RBFOX1: variants seen among roughly 807,000 people sequenced by gnomAD.
RBFOX1 encodes the protein RNA binding fox-1 homolog 1, also known as RNA binding protein fox-1 homolog 1.
A neutral mutation model predicts 57.7 loss-of-function variants in RBFOX1; 8 were observed. That is an observed-to-expected ratio of 0.14 (90% CI 0.08 to 0.25). The LOEUF (loss-of-function observed/expected upper bound fraction) is 0.25, where lower values mean the gene tolerates loss of function less well. Among genes scored for constraint, RBFOX1 ranks in the 10% least tolerant of loss-of-function variants. RBFOX1 has a pLI of 1.00. For synonymous variants in RBFOX1, 326 were observed against 222.4 expected (o/e 1.47, Z -4.15); for missense variants, 611 against 548.5 (o/e 1.11, Z -1.14).
chr16:7,449,462 T>A (rs2098834060), intron 4 of RBFOX1, among the ~76,000 whole-genome samples: 1 of 152,126 alleles, frequency 6.6e-6, no homozygotes, highest in African/African-American at 2.4e-5. Flanking sequence ...TTAGTTATCA[T>A]CCAGGTTTCA....
intron 2 of RBFOX1, among the ~76,000 whole-genome samples, chr16:6,480,539 C>A (rs1215094479): frequency 1.3e-5 from 2 of 152,178 alleles, no homozygotes; most frequent in Non-Finnish European, 2.9e-5. Context: ...AGTATCAAAA[C>A]CATTTTTAAC....
chr16:6,826,764 T>A (rs1567433989), intron 3 of RBFOX1, among the ~76,000 whole-genome samples: 1 of 152,228 alleles, frequency 6.6e-6, no homozygotes, highest in Non-Finnish European at 1.5e-5. Flanking sequence ...TGACTCTGAA[T>A]TTATTATACT....
chr16:6,913,418 T>C (rs2153436990), intron 3 of RBFOX1, among the ~76,000 whole-genome samples: 1 of 152,232 alleles, frequency 6.6e-6, no homozygotes, highest in East Asian at 1.9e-4. Context: ...CGGCATTGTT[T>C]GAGAACATCT....
chr16:5,540,968 G>A (rs2044921043), intron 2 of RBFOX1, among the ~76,000 whole-genome samples: 1 of 152,112 alleles, frequency 6.6e-6, no homozygotes, highest in South Asian at 2.1e-4. Flanking sequence ...TCCTGCCTCA[G>A]CGTCCTGAGT....
chr16:7,681,185 G>C (rs774544384), intron 14 of RBFOX1, among the ~76,000 whole-genome samples: 2 of 152,120 alleles, frequency 1.3e-5, no homozygotes, highest in Non-Finnish European at 2.9e-5. Context: ...GACAGAGATA[G>C]ACATATACAT....
At chr16:7,589,233 GTGTTGT>G (rs554970091) in intron 7 of RBFOX1, among the ~76,000 whole-genome samples, 4 of 152,150 alleles carry the variant, frequency 2.6e-5, no homozygotes, top group African/African-American at 9.7e-5. Flanking sequence ...CTTCAAAGAT[GTGTTGT>G]TGTTGTTGTT....
At chr16:5,462,682 G>A (rs1274486467) in intron 1 of RBFOX1, among the ~76,000 whole-genome samples, 1 of 152,180 alleles carries the variant, frequency 6.6e-6, no homozygotes, top group Non-Finnish European at 1.5e-5. Context: ...TCCATGGCAT[G>A]GAATTCTACG....
Position 5,801,503 on chromosome 16 carries a change from T to G in RBFOX1, c.319-65800T>G, listed in dbSNP as rs147981610. ...ACTTAGCAGTCATCGGGCAGTTACT[T>G]GAAAAGCAGAGACATATGTGTCTCG... On this transcript the variant is annotated intron_variant, in intron 3 of 19. Transcript: ENST00000641259. Among the ~76,000 whole-genome samples, 427 of 152,300 alleles carry G rather than the reference T, an allele frequency of 2.8e-3. 1 individual carries two copies. The highest frequency in any genetic ancestry group is 9.8e-3 in the African/African-American group (409 of 41,564).
intron 2 of RBFOX1, among the ~76,000 whole-genome samples, chr16:6,391,509 C>CAA (rs538935947): frequency 0.031 from 2,438 of 78,280 alleles, 76 homozygotes; most frequent in African/African-American, 0.096. Flanking sequence ...GACTCCGTCT[C>CAA]AAAAAAAAAA....
chr16:7,313,616 T>G (rs933400011), intron 4 of RBFOX1, among the ~76,000 whole-genome samples: 1 of 152,044 alleles, frequency 6.6e-6, no homozygotes, highest in African/African-American at 2.4e-5. Context: ...AATAAAATAA[T>G]TAAAATAATG....
chr16:7,670,133 G>C (rs1227883533), intron 13 of RBFOX1, among the ~76,000 whole-genome samples: 1 of 152,138 alleles, frequency 6.6e-6, no homozygotes, highest in East Asian at 1.9e-4. Flanking sequence ...CCAGGTTCAA[G>C]CAATTCTCCT....
chr16:6,708,716 C>T (rs1603449324), intron 3 of RBFOX1, among the ~76,000 whole-genome samples: 1 of 152,184 alleles, frequency 6.6e-6, no homozygotes, highest in African/African-American at 2.4e-5. Flanking sequence ...CACCTGTTCC[C>T]TTCTTGCCCT....
chr16:7,063,420 T>C (rs2055098645), intron 4 of RBFOX1, among the ~76,000 whole-genome samples: 1 of 152,162 alleles, frequency 6.6e-6, no homozygotes, highest in Non-Finnish European at 1.5e-5. Flanking sequence ...TGCCAACTTC[T>C]TCCTTCTCAG....
intron 3 of RBFOX1, among the ~76,000 whole-genome samples, chr16:6,915,027 G>A (rs1030054084): frequency 1.3e-5 from 2 of 152,214 alleles, no homozygotes; most frequent in African/African-American, 2.4e-5. Flanking sequence ...GTGTAAGTCG[G>A]CTTTGCTCAT....
At chr16:7,146,914 A>T (rs2075089645) in intron 4 of RBFOX1, among the ~76,000 whole-genome samples, 1 of 141,170 alleles carries the variant, frequency 7.1e-6, no homozygotes. Context: ...GCGCCATTAT[A>T]CTCCAGTCTG....
At chr16:6,061,735 A>G (rs1567359529) in intron 1 of RBFOX1, among the ~76,000 whole-genome samples, 1 of 152,218 alleles carries the variant, frequency 6.6e-6, no homozygotes, top group Admixed American at 6.5e-5. Context: ...TTTTCACTTT[A>G]CACTCACACT....
At chr16:5,583,334 C>G (rs569577685) in intron 2 of RBFOX1, among the ~76,000 whole-genome samples, 4 of 152,300 alleles carry the variant, frequency 2.6e-5, no homozygotes, top group African/African-American at 9.6e-5. Context: ...GAAAAGCTAA[C>G]TTAATAGTAT....
chr16:6,379,974 G>A (rs1304795058), intron 2 of RBFOX1, among the ~76,000 whole-genome samples: 1 of 152,176 alleles, frequency 6.6e-6, no homozygotes, highest in African/African-American at 2.4e-5. Flanking sequence ...TGTTCCCAAG[G>A]GAGAGAGAGC....
At chr16:6,782,107 C>T (rs1016031344) in intron 3 of RBFOX1, among the ~76,000 whole-genome samples, 5 of 151,908 alleles carry the variant, frequency 3.3e-5, no homozygotes, top group Admixed American at 6.6e-5. Context: ...CCTGGGTTCA[C>T]GTGATTCTCC....
Sources: allele counts gnomAD v4.1 joint callset (sites outside exome capture counted in the v4.1 genomes callset), GRCh38; gene constraint gnomAD v4.1.1; transcripts MANE v1.5; gene names NCBI Gene and HGNC (gene_info 2026-07-23, HGNC 2026-07-21).